Variants in C12orf50 observed in about 807,000 individuals in gnomAD.
C12orf50 encodes zinc finger CCCH-type containing 11D.
In C12orf50, 35 loss-of-function variants were observed where a neutral mutation model predicts 61.6. That is an observed-to-expected ratio of 0.57 (90% CI 0.43 to 0.75). C12orf50 has a LOEUF of 0.75. Among genes scored for constraint, C12orf50 ranks in the 30% least tolerant of loss-of-function variants. The pLI, the probability that C12orf50 is intolerant of heterozygous loss-of-function variation, is 0.00. For missense variants in C12orf50, 475 were observed against 488.5 expected (o/e 0.97, Z 0.26); for synonymous variants, 178 against 161.5 (o/e 1.10, Z -0.77).
rs2031004396 is a variant in C12orf50 at position 87,989,341 on chromosome 12, A to T, written c.623T>A (p.Ile208Lys). The change falls in exon 8 of 13, where the codon ATA (isoleucine) becomes AAA (lysine). Residue 208 changes from isoleucine to lysine, a missense_variant. Transcript: ENST00000298699. ...TTCACTTTCATCGACTCCAAGAAAT[A>T]TGACCCTCTGTGGAACATAACAGTC... ...GGDCYVPQRVIFLGVDESEAL... is the reference protein window; with the variant it reads ...GGDCYVPQRVKFLGVDESEAL... The T allele has an allele frequency of 6.2e-7, 1 of 1,611,940 alleles. No homozygotes were observed. Among genetic ancestry groups the T allele is most frequent in the African/African-American group, 1.3e-5 (1 of 74,840 alleles).
chr12:88,019,794 G>A (rs1475779219), intron 3 of C12orf50, among the ~76,000 whole-genome samples: 2 of 150,878 alleles, frequency 1.3e-5, no homozygotes, highest in Non-Finnish European at 3.0e-5. Flanking sequence ...TGGAGAGAAG[G>A]GTAGGTTACC....
intron 1 of C12orf50, among the ~76,000 whole-genome samples, chr12:88,028,253 A>T (rs2032778886): frequency 1.3e-5 from 2 of 152,202 alleles, no homozygotes; most frequent in Non-Finnish European, 2.9e-5. Flanking sequence ...ATCTGTTATT[A>T]TTCTTTATTA....
intron 3 of C12orf50, among the ~76,000 whole-genome samples, chr12:87,999,920 T>C (rs1423925672): frequency 6.6e-6 from 1 of 152,038 alleles, no homozygotes; most frequent in East Asian, 1.9e-4. Context: ...GAAAAAGTCA[T>C]TCACAAAAAA....
intron 3 of C12orf50, among the ~76,000 whole-genome samples, chr12:88,004,993 TCTTTAGAACCAA>T (rs887031041): frequency 2.0e-5 from 3 of 152,066 alleles, no homozygotes; most frequent in Admixed American, 6.5e-5. Context: ...ATGCAATTTA[TCTTTAGAACCAA>T]CTTGCACAAA....
At chr12:88,001,441 T>C (rs960030167) in intron 3 of C12orf50, among the ~76,000 whole-genome samples, 9 of 151,580 alleles carry the variant, frequency 5.9e-5, no homozygotes, top group African/African-American at 1.2e-4. Context: ...TATTTTTCAG[T>C]GTCTATATTC....
intron 3 of C12orf50, among the ~76,000 whole-genome samples, chr12:88,006,315 C>A (rs1041542260): frequency 6.6e-6 from 1 of 152,120 alleles, no homozygotes; most frequent in Non-Finnish European, 1.5e-5. Context: ...CTACTAGCCT[C>A]CTCTTAATTG....
At chr12:88,008,031 T>TA (rs2031952182) in intron 3 of C12orf50, among the ~76,000 whole-genome samples, 2 of 152,178 alleles carry the variant, frequency 1.3e-5, no homozygotes, top group South Asian at 4.1e-4. Flanking sequence ...AGGGTAAAGA[T>TA]ATGTGAAGAA....
intron 8 of C12orf50, among the ~76,000 whole-genome samples, chr12:87,989,000 T>C (rs1321050814): frequency 6.6e-6 from 1 of 152,118 alleles, no homozygotes; most frequent in Non-Finnish European, 1.5e-5. Flanking sequence ...GGACTTGGTA[T>C]TGCCATTTAA....
intron 12 of C12orf50, among the ~76,000 whole-genome samples, chr12:87,982,645 G>A (rs935103059): frequency 1.3e-5 from 2 of 152,124 alleles, no homozygotes; most frequent in Non-Finnish European, 2.9e-5. Flanking sequence ...TCCACAAGGA[G>A]GAGACCACAG....
intron 3 of C12orf50, among the ~76,000 whole-genome samples, chr12:88,018,185 C>T (rs1213156089): frequency 6.6e-6 from 1 of 152,194 alleles, no homozygotes; most frequent in East Asian, 1.9e-4. Context: ...GGGCTAGGCC[C>T]AGGGTCCCCA....
At chr12:88,017,875 A>C (rs1297134565) in intron 3 of C12orf50, among the ~76,000 whole-genome samples, 1 of 150,594 alleles carries the variant, frequency 6.6e-6, no homozygotes, top group Non-Finnish European at 1.5e-5. Context: ...TATCTGGCAG[A>C]AGAAATTTCT....
In C12orf50 at chr12:87,987,875, C is replaced by G. The variant is rs781738925; in HGVS notation, c.792G>C (p.Met264Ile). ...HVLNATENIS[M>I]KCREDPSSMN... ...TTGAAGAGGGGTCCTCTCTGCACTT[C>G]ATACTGATATTCTCAGTAGCATTTA... The change falls in exon 9 of 13, where the codon ATG (methionine) becomes ATC (isoleucine). Residue 264 changes from methionine to isoleucine, a missense_variant. Physicochemically the swap from Met to Ile is conservative, Grantham distance 10. Transcript: ENST00000298699. 1 of 1,607,550 alleles carries G rather than the reference C, an allele frequency of 6.2e-7. No individual in the cohort carries two copies. The highest frequency in any genetic ancestry group is 1.1e-5 in the South Asian group (1 of 90,664).
chr12:87,989,475 T>C (rs2136413640), intron 7 of C12orf50, 104 bp from the exon 8 acceptor site: 3 of 718,432 alleles, frequency 4.2e-6, no homozygotes, highest in South Asian at 3.5e-5. Context: ...TTCACCTTTC[T>C]TTGGACACTT....
chr12:88,003,674 A>T (rs1314878422), intron 3 of C12orf50, among the ~76,000 whole-genome samples: 2 of 152,080 alleles, frequency 1.3e-5, no homozygotes, highest in Admixed American at 6.6e-5. Context: ...GGTAGCTGTT[A>T]ATCATACTGG....
intron 1 of C12orf50, 123 bp from the exon 2 acceptor site, chr12:88,027,193 C>CCTG: frequency 9.6e-7 from 1 of 1,040,584 alleles, no homozygotes; most frequent in Non-Finnish European, 1.3e-6. Flanking sequence ...AAGATATACA[C>CCTG]TATCAATTTT....
In C12orf50 at chr12:88,026,940, A is replaced by G. The variant is rs1268353320; in HGVS notation, c.12+11T>C. ...CTTTTTGACAAAAATGATGACGCCA[A>G]GTAATTCTACCTGCATTTCCATGTG... On this transcript the variant is annotated intron_variant, in intron 2 of 12. Transcript: ENST00000298699. 8 of 1,606,674 alleles carry G rather than the reference A, an allele frequency of 5.0e-6. No individual in the cohort carries two copies. Among genetic ancestry groups the G allele is most frequent in the Non-Finnish European group, 6.8e-6 (8 of 1,178,254 alleles).
intron 3 of C12orf50, among the ~76,000 whole-genome samples, chr12:88,010,444 GATTATAAGATTAAAATTATTATA>G: frequency 7.2e-6 from 1 of 138,688 alleles, no homozygotes; most frequent in African/African-American, 3.0e-5. Flanking sequence ...CTTATAATAA[GATTATAAGATTAAAATTATTATA>G]ATCTTATAAT....
At position 88,021,204 on chromosome 12, in the gene C12orf50, GAGA is replaced by G. The variant is rs1262084713; in HGVS notation, c.133+5281_133+5283del. Reference sequence around the variant, plus strand: ...AATTAGGGCTGAACTGAAGGAAATGGAGACACAAAAAGCCATACAAAAGACCAG... The same window carrying G: ...AATTAGGGCTGAACTGAAGGAAATGGCACAAAAAGCCATACAAAAGACCAG... On this transcript the variant is annotated intron_variant, in intron 3 of 12. Transcript: ENST00000298699. Among the ~76,000 whole-genome samples, 4 of 151,700 alleles carry G rather than the reference GAGA, an allele frequency of 2.6e-5. No individual in the cohort carries two copies. In the East Asian group the frequency reaches 7.7e-4, roughly 29 times the overall value.
At chr12:88,004,929 G>A (rs2031797605) in intron 3 of C12orf50, among the ~76,000 whole-genome samples, 2 of 152,036 alleles carry the variant, frequency 1.3e-5, no homozygotes, top group Non-Finnish European at 2.9e-5. Flanking sequence ...TACCTATCAG[G>A]TACTATGCTT....
Sources: allele counts gnomAD v4.1 joint callset (sites outside exome capture counted in the v4.1 genomes callset), GRCh38; gene constraint gnomAD v4.1.1; transcripts MANE v1.5; gene names NCBI Gene and HGNC (gene_info 2026-07-23, HGNC 2026-07-21).